SPATA22: variants seen among roughly 807,000 people sequenced by gnomAD.
The protein encoded by SPATA22 is spermatogenesis associated 22.
Under a neutral mutation model 47.8 loss-of-function variants are expected in SPATA22, and 29 were observed. The observed-to-expected ratio is 0.61, with a 90% confidence interval of 0.45 to 0.83. The LOEUF (loss-of-function observed/expected upper bound fraction) is 0.83, where lower values mean the gene tolerates loss of function less well. SPATA22 is among the 40% of genes least tolerant of loss of function. The pLI, the probability that SPATA22 is intolerant of heterozygous loss-of-function variation, is 0.00. For missense variants in SPATA22, 410 were observed against 421.7 expected (o/e 0.97, Z 0.24); for synonymous variants, 133 against 140.9 (o/e 0.94, Z 0.40).
intron 1 of SPATA22, chr17:3,499,203 C>A: frequency 9.2e-7 from 1 of 1,084,172 alleles, no homozygotes; most frequent in Non-Finnish European, 1.3e-6. Context: ...TAGCACAGTG[C>A]CTTATTCGGT....
chr17:3,474,113 A>G (rs1419850774), upstream of SPATA22: 1 of 152,188 alleles, frequency 6.6e-6, no homozygotes, highest in Non-Finnish European at 1.5e-5. Flanking sequence ...TTCTGAGGAA[A>G]TGCTCTCCTT....
intron 3 of SPATA22, among the ~76,000 whole-genome samples, chr17:3,464,788 CG>C: frequency 1.4e-5 from 2 of 140,638 alleles, no homozygotes; most frequent in African/African-American, 2.6e-5. Context: ...GCCCGGCAGC[CG>C]CCCCGTCTGA....
At chr17:3,489,340 A>C (rs1171994170) in intron 1 of SPATA22, 1 of 1,591,624 alleles carries the variant, frequency 6.3e-7, no homozygotes, top group Non-Finnish European at 8.6e-7. Flanking sequence ...CATTTCAATG[A>C]AGGTAAGTAA....
At chr17:3,442,155 GT>G (rs899405899) in intron 8 of SPATA22, among the ~76,000 whole-genome samples, 2 of 151,738 alleles carry the variant, frequency 1.3e-5, no homozygotes, top group African/African-American at 4.8e-5. Context: ...CAATAACAAA[GT>G]TTTTTTAAAA....
chr17:3,473,017 C>T (rs2073467523), upstream of SPATA22, among the ~76,000 whole-genome samples: 1 of 151,180 alleles, frequency 6.6e-6, no homozygotes, highest in Non-Finnish European at 1.5e-5. Flanking sequence ...TGAATAGAAG[C>T]TTCAGGGAAG....
chr17:3,466,248 T>C (rs564011744), intron 3 of SPATA22, among the ~76,000 whole-genome samples: 34 of 151,472 alleles, frequency 2.2e-4, no homozygotes, highest in African/African-American at 8.0e-4. Context: ...AAGATCCTAT[T>C]AATTTTTAAA....
chr17:3,463,963 G>GCCTCTCCCTCTCCCTCTGCCTCTC (rs2073202122), intron 3 of SPATA22, among the ~76,000 whole-genome samples: 2 of 40,398 alleles, frequency 5.0e-5, no homozygotes, highest in Admixed American at 7.3e-4. Context: ...CTCTCCCTCT[G>GCCTCTCCCTCTCCCTCTGCCTCTC]CCTCTCCCTC....
intron 1 of SPATA22, 61 bp downstream of exon 1, chr17:3,471,621 G>C: frequency 3.0e-6 from 3 of 985,474 alleles, no homozygotes; most frequent in Non-Finnish European, 3.6e-6. Flanking sequence ...GAGTTGAGAC[G>C]CTCTTCCAAA....
At chr17:3,504,778 C>T (rs1010590865) in intron 1 of SPATA22, among the ~76,000 whole-genome samples, 1 of 152,050 alleles carries the variant, frequency 6.6e-6, no homozygotes, top group African/African-American at 2.4e-5. Context: ...AGGCTGGTCT[C>T]GAACCCCCGA....
intron 1 of SPATA22, among the ~76,000 whole-genome samples, chr17:3,470,988 C>T (rs1355498291): frequency 6.6e-6 from 1 of 151,984 alleles, no homozygotes; most frequent in Non-Finnish European, 1.5e-5. Context: ...AACCCCGTCT[C>T]TACTAAAAAT....
At chr17:3,474,609 T>G (rs544742972), upstream of SPATA22, among the ~76,000 whole-genome samples, 71 of 152,374 alleles carry the variant, frequency 4.7e-4, no homozygotes, top group African/African-American at 1.6e-3. Flanking sequence ...AACAGTCATT[T>G]TAATGCATAG....
intron 1 of SPATA22, among the ~76,000 whole-genome samples, chr17:3,469,878 G>C (rs1421804161): frequency 1.3e-5 from 2 of 152,094 alleles, no homozygotes; most frequent in Non-Finnish European, 2.9e-5. Context: ...AAGTCTTCCT[G>C]AGGTCAGGAG....
At chr17:3,464,720 G>A (rs1235441372) in intron 3 of SPATA22, among the ~76,000 whole-genome samples, 1 of 147,958 alleles carries the variant, frequency 6.8e-6, no homozygotes, top group Non-Finnish European at 1.5e-5. Flanking sequence ...CCCCATCTGA[G>A]AAGGGAGGAG....
chr17:3,455,038 C>T (rs2072953474), intron 5 of SPATA22, among the ~76,000 whole-genome samples: 1 of 152,118 alleles, frequency 6.6e-6, no homozygotes, highest in Admixed American at 6.6e-5. Context: ...ATTTGCATTT[C>T]TCTGATGGCC....
At chr17:3,478,463 G>A (rs2073569851) in intron 1 of SPATA22, among the ~76,000 whole-genome samples, 1 of 152,144 alleles carries the variant, frequency 6.6e-6, no homozygotes, top group Non-Finnish European at 1.5e-5. Flanking sequence ...TCATGACTGA[G>A]GTTATGTCAA....
At chr17:3,470,428 A>C (rs1376112430) in intron 1 of SPATA22, among the ~76,000 whole-genome samples, 1 of 152,190 alleles carries the variant, frequency 6.6e-6, no homozygotes, top group Non-Finnish European at 1.5e-5. Context: ...CGAGGTGTTA[A>C]CTTTCAAATA....
At position 3,490,843 on chromosome 17, in the gene SPATA22, T is replaced by C. The variant is rs966423145; in HGVS notation, c.-73-21445A>G. ...CTATCACAACGGTGGAGAAAAGCAGTTCCTGGAACACCCCACCCCTTAACC... is the reference window on the plus strand; with the variant it reads ...CTATCACAACGGTGGAGAAAAGCAGCTCCTGGAACACCCCACCCCTTAACC... On this transcript the variant is annotated intron_variant, in intron 1 of 8. Transcript: ENST00000541913. The surrounding 1 kb of genome is among the most constrained non-coding windows in gnomAD (Gnocchi z 4.6). Among the ~76,000 whole-genome samples, 1 of 152,142 alleles carries C rather than the reference T, an allele frequency of 6.6e-6. No individual in the cohort carries two copies. Among genetic ancestry groups the C allele is most frequent in the Non-Finnish European group, 1.5e-5 (1 of 68,026 alleles).
At chr17:3,456,023 T>C (rs2072985678) in intron 5 of SPATA22, among the ~76,000 whole-genome samples, 1 of 152,074 alleles carries the variant, frequency 6.6e-6, no homozygotes, top group Admixed American at 6.6e-5. Context: ...CCCTTGTAAG[T>C]TGGATTCCTA....
chr17:3,502,549 G>A (rs1163247964), intron 1 of SPATA22: 3 of 152,212 alleles, frequency 2.0e-5, no homozygotes, highest in African/African-American at 7.2e-5. Flanking sequence ...AGACTTTTAA[G>A]TGCTGTTTTG....
Sources: gnomAD v4.1 joint callset for allele counts (sites outside exome capture counted in the v4.1 genomes callset) on GRCh38, gnomAD v4.1.1 for gene constraint, Gnocchi (gnomAD v3.1) non-coding constraint, MANE v1.5 for transcripts, NCBI Gene and HGNC (gene_info 2026-07-23, HGNC 2026-07-21) for gene names.